LAMB4: variants seen among roughly 807,000 people sequenced by gnomAD.
LAMB4 encodes the protein laminin subunit beta-4.
In LAMB4, 196 loss-of-function variants were observed where a neutral mutation model predicts 199.2. That is an observed-to-expected ratio of 0.98 (90% CI 0.88 to 1.11). LAMB4 has a LOEUF of 1.11. Ranked by LOEUF, LAMB4 falls within the 50% of genes least tolerant of loss-of-function variation. The pLI, the probability that LAMB4 is intolerant of heterozygous loss-of-function variation, is 0.00. For missense variants in LAMB4, 2,080 were observed against 2,171.2 expected, an observed-to-expected ratio of 0.96 and a Z score of 0.83; for synonymous variants, 744 against 770.6, an observed-to-expected ratio of 0.97 and a Z score of 0.57.
chr7:108,109,238 T>C lies in LAMB4; in HGVS notation c.335A>G (p.Asp112Gly). The C allele has an allele frequency of 6.2e-7, 1 of 1,611,676 alleles. No homozygotes were observed. Among genetic ancestry groups the C allele is most frequent in the Non-Finnish European group, 8.5e-7 (1 of 1,178,234 alleles). ...TAAGTCCAGTCTGATGCTGACATGA[T>C]CAAGACCTAAGGAAGAATCCAGAAA... ...KKWWQSENGL[D>G]HVSIRLDLEA... The change falls in exon 5 of 34, where the codon GAT (aspartate) becomes GGT (glycine). Residue 112 changes from aspartate to glycine, a missense_variant. Asp to Gly is a moderately conservative substitution (Grantham distance 94). Transcript: ENST00000388781.
At chr7:108,037,986 C>T (rs2035287867) in intron 29 of LAMB4, among the ~76,000 whole-genome samples, 2 of 152,098 alleles carry the variant, frequency 1.3e-5, no homozygotes, top group Admixed American at 6.6e-5. Context: ...AGAAGCTCTG[C>T]GTTTGAAGTC....
intron 6 of LAMB4, 54 bp from the exon 7 acceptor site, chr7:108,106,626 C>A: frequency 7.1e-6 from 7 of 979,420 alleles, no homozygotes; most frequent in Non-Finnish European, 1.1e-5. Context: ...ACGTAATTGT[C>A]AAACACACTC....
At chr7:108,014,384 G>A in the LAMB4 span, among the ~76,000 whole-genome samples, 4 of 152,266 alleles carry the variant, frequency 2.6e-5, no homozygotes, top group East Asian at 3.9e-4. Flanking sequence ...CAGTAGCCAC[G>A]ATTAATTTTT....
At chr7:108,022,582 GA>G (rs1197362166), downstream of LAMB4, among the ~76,000 whole-genome samples, 2 of 152,064 alleles carry the variant, frequency 1.3e-5, no homozygotes, top group East Asian at 1.9e-4. Context: ...TACATATATA[GA>G]TTTTTTTTTA....
At chr7:108,033,740 T>C (rs2035125655) in intron 31 of LAMB4, among the ~76,000 whole-genome samples, 1 of 150,646 alleles carries the variant, frequency 6.6e-6, no homozygotes, top group Admixed American at 6.6e-5. Context: ...TGAGTATTTT[T>C]TTTTTTTTTT....
rs750163306 is a variant in LAMB4 at position 108,079,687 on chromosome 7, C to A, written c.1801G>T (p.Val601Phe). Reference sequence around the variant, plus strand: ...AATCTCAAGCCAGCCCCAGGGAGAACCCTGGCAAATCCAGGTCCAGTCCAT... The same window carrying A: ...AATCTCAAGCCAGCCCCAGGGAGAAACCTGGCAAATCCAGGTCCAGTCCAT... ...VTWTGPGFAR[V>F]LPGAGLRFAV... The change falls in exon 15 of 34, where the codon GTT (valine) becomes TTT (phenylalanine). Residue 601 changes from valine to phenylalanine, a missense_variant. Physicochemically the swap from Val to Phe is conservative, Grantham distance 50 (BLOSUM62 -1). Transcript: ENST00000388781. The A allele has an allele frequency of 2.5e-6, 4 of 1,613,006 alleles. No individual in the cohort carries two copies. The highest frequency in any genetic ancestry group is 1.3e-5 in the African/African-American group (1 of 74,904).
intron 1 of LAMB4, among the ~76,000 whole-genome samples, chr7:108,127,311 G>A (rs2038830228): frequency 6.6e-6 from 1 of 151,362 alleles, no homozygotes. Flanking sequence ...CCAATGGGCA[G>A]CAAAATTTGA....
chr7:108,068,557 AG>A (rs1447356399), intron 18 of LAMB4, among the ~76,000 whole-genome samples: 1 of 152,198 alleles, frequency 6.6e-6, no homozygotes, highest in Non-Finnish European at 1.5e-5. Flanking sequence ...TCTGTTACTC[AG>A]GCTGGAGTGG....
chr7:108,040,997 C>T lies in LAMB4; in HGVS notation c.4471+2755G>A, dbSNP rs549811411. Among the ~76,000 whole-genome samples the T allele has an allele frequency of 1.5e-3, 224 of 152,128 alleles. 1 individual carries two copies. The highest frequency in any genetic ancestry group is 2.1e-3 in the Non-Finnish European group (145 of 68,016). On this transcript the variant is annotated intron_variant, in intron 29 of 33. Transcript: ENST00000388781. ...CAGAATGGGAGAAAATTTTTGCAAA[C>T]TATGCATCTGACAAAGGTCTAATAT...
intron 12 of LAMB4, among the ~76,000 whole-genome samples, chr7:108,094,116 G>T (rs1478578407): frequency 6.6e-6 from 1 of 152,210 alleles, no homozygotes; most frequent in African/African-American, 2.4e-5. Flanking sequence ...CATGGGGGGG[G>T]TCCCTGTTCA....
At chr7:108,126,727 A>T (rs371176359) in intron 1 of LAMB4, among the ~76,000 whole-genome samples, 1 of 140,460 alleles carries the variant, frequency 7.1e-6, no homozygotes, top group Admixed American at 6.9e-5. Flanking sequence ...ACCGCGCCCG[A>T]CTAATTTTTT....
the LAMB4 span, among the ~76,000 whole-genome samples, chr7:108,013,333 T>C: frequency 6.6e-6 from 1 of 152,278 alleles, no homozygotes; most frequent in Admixed American, 6.5e-5. Context: ...CAGATAATTG[T>C]CTAGTCACGG....
chr7:108,073,159 C>A (rs1272092519), intron 17 of LAMB4, among the ~76,000 whole-genome samples: 3 of 152,238 alleles, frequency 2.0e-5, no homozygotes, highest in African/African-American at 7.2e-5. Context: ...GCAAACACCA[C>A]CACGCCCAGC....
rs1614188 is a variant in LAMB4, at chr7:108,023,764, A to C, written c.*275T>G. 36,870 of 236,918 alleles carry C rather than the reference A, an allele frequency of 0.16. 7,892 individuals carry two copies. Among genetic ancestry groups the C allele is most frequent in the African/African-American group, 0.58 (25,742 of 44,508 alleles). The allele number at this position is 236,918 out of a possible 1,614,324, so 14.7% of individuals were successfully genotyped here. On this transcript the variant is annotated 3_prime_UTR_variant, in exon 34 of 34. Transcript: ENST00000388781. ...TTAAATTTCTACTTGTTATATGGAAACTGTTATTTTTAAGTTAGGAAAGAG... is the reference window on the plus strand; with the variant it reads ...TTAAATTTCTACTTGTTATATGGAACCTGTTATTTTTAAGTTAGGAAAGAG...
the LAMB4 span, among the ~76,000 whole-genome samples, chr7:108,018,171 G>A: frequency 6.6e-6 from 1 of 152,266 alleles, no homozygotes; most frequent in Non-Finnish European, 1.5e-5. Flanking sequence ...TTATGTGCAA[G>A]TTTAAGCTGG....
chr7:108,049,383 C>A lies in LAMB4; in HGVS notation c.4065G>T (p.Leu1355Phe), dbSNP rs771160130. ...TAATCTGCTTTAATCTTTCCAATGA[C>A]AAGTTTCCTTTTGAGGTTAGTGTAT... ...ILDTLTSKGN[L>F]SLERLKQIKI... The change falls in exon 27 of 34, where the codon TTG becomes TTT. Residue 1355 changes from leucine to phenylalanine, a missense_variant. Transcript: ENST00000388781. 33 of 1,591,684 alleles carry A rather than the reference C, an allele frequency of 2.1e-5. No homozygotes were observed. The highest frequency in any genetic ancestry group is 2.6e-5 in the Non-Finnish European group (30 of 1,161,746).
rs538570234 is a variant in LAMB4, at chr7:108,129,439, A to C, written c.-34+867T>G. Among the ~76,000 whole-genome samples, 142 of 152,242 alleles carry C rather than the reference A, an allele frequency of 9.3e-4. 2 individuals are homozygous for C. Among genetic ancestry groups the C allele is most frequent in the African/African-American group, 3.3e-3 (139 of 41,554 alleles). On this transcript the variant is annotated intron_variant, in intron 1 of 33. Transcript: ENST00000388781. The stretch of plus-strand genomic sequence containing the variant: ...TCTTGTATTTAACTTTCCTTTGTCT[A>C]ACTTTTTTTCATGTTATGTCAGGAC...
intron 23 of LAMB4, among the ~76,000 whole-genome samples, chr7:108,060,847 C>T (rs1428478214): frequency 2.6e-5 from 4 of 152,322 alleles, no homozygotes; most frequent in South Asian, 2.1e-4. Flanking sequence ...ACTCTGTCCT[C>T]GAGGAGGAAG....
chr7:108,073,281 C>T (rs1452306737), intron 17 of LAMB4, among the ~76,000 whole-genome samples: 1 of 152,222 alleles, frequency 6.6e-6, no homozygotes, highest in African/African-American at 2.4e-5. Context: ...GCTGGGATTA[C>T]AGGCGTAAGC....
Sources: allele counts gnomAD v4.1 joint callset (sites outside exome capture counted in the v4.1 genomes callset), GRCh38; gene constraint gnomAD v4.1.1; transcripts MANE v1.5; gene names NCBI Gene and HGNC (gene_info 2026-07-23, HGNC 2026-07-21).